Variants in QRICH2 observed in about 807,000 individuals in gnomAD.
QRICH2 encodes the protein glutamine rich 2.
In QRICH2, 119 loss-of-function variants were observed where a neutral mutation model predicts 168.3. The ratio of observed to expected loss-of-function variants is 0.71; its 90% CI spans 0.61 to 0.82. The LOEUF is 0.82. Ranked by LOEUF, QRICH2 falls within the 40% of genes least tolerant of loss-of-function variation. The probability of loss-of-function intolerance (pLI) is 0.00; values close to 1 mark genes in which losing one functional copy is unlikely to be tolerated. For missense variants in QRICH2, 2,241 were observed against 2,491.6 expected (o/e 0.90, Z 2.14); for synonymous variants, 894 against 951.2 (o/e 0.94, Z 1.11).
At chr17:76,303,132 C>T (rs1400807601) in intron 3 of QRICH2, among the ~76,000 whole-genome samples, 1 of 152,148 alleles carries the variant, frequency 6.6e-6, no homozygotes, top group Non-Finnish European at 1.5e-5. Context: ...GATCCGCCCC[C>T]CTCGACTTCT....
chr17:76,308,034 C>G lies in QRICH2; in HGVS notation c.-36G>C. 1 of 1,231,604 alleles carries G rather than the reference C, an allele frequency of 8.1e-7. No homozygotes were observed. The highest frequency in any genetic ancestry group is 1.0e-6 in the Non-Finnish European group (1 of 987,606). 76.3% of individuals were successfully genotyped at this position (1,231,604 alleles called of 1,614,324 possible). Reference sequence around the variant, plus strand: ...AGGAGCTGTGCGCCGCCGCGGGGCGCCGGCCAACCACTTCCCGCTCACTGC... The same window carrying G: ...AGGAGCTGTGCGCCGCCGCGGGGCGGCGGCCAACCACTTCCCGCTCACTGC... On this transcript the variant is annotated 5_prime_UTR_variant, in exon 1 of 19. Coordinates refer to ENST00000680821, the MANE Select transcript of QRICH2 (RefSeq NM_001388453.1).
At position 76,292,077 on chromosome 17, in the gene QRICH2, G is replaced by T. The variant is rs756526628; in HGVS notation, c.2650C>A (p.Pro884Thr). ...ATCAAACCACGCTGGTCCATTCCAG[G>T]TTGGACCAAACCACGCTGATCCACT... ...PGVDQRGLVQPGMDQRGLIQP... is the reference protein window; with the variant it reads ...PGVDQRGLVQTGMDQRGLIQP... Residue 884 changes from proline (P) to threonine (T), a missense_variant, in exon 4 of 19, where the codon CCT becomes ACT. Physicochemically the swap from Pro to Thr is conservative, Grantham distance 38. Coordinates refer to ENST00000680821, the MANE Select transcript of QRICH2 (RefSeq NM_001388453.1). 6.8e-6 allele frequency: 11 copies of T among 1,613,962 alleles called. No individual in the cohort carries two copies. Among genetic ancestry groups the T allele is most frequent in the Non-Finnish European group, 8.5e-6 (10 of 1,179,982 alleles).
In QRICH2 at chr17:76,292,894, G is replaced by A; in HGVS notation, c.1833C>T (p.Ala611=). Residue 611 remains alanine (A), a synonymous_variant, in exon 4 of 19, where the codon GCC becomes GCT. Transcript: ENST00000680821. ...VRPGMDQSGL[A]QPGADQRGLV... is the part of the protein sequence containing the mutation. ...AACCACGCTGATCTGCACCAGGTTG[G>A]GCCAAACCAGACTGATCCATTCCAG... 1 of 1,605,734 alleles carries A rather than the reference G, an allele frequency of 6.2e-7. No homozygotes were observed. Among genetic ancestry groups the A allele is most frequent in the Non-Finnish European group, 8.5e-7 (1 of 1,178,420 alleles).
chr17:76,283,952 G>A (rs1308378281), intron 7 of QRICH2, among the ~76,000 whole-genome samples: 1 of 140,428 alleles, frequency 7.1e-6, no homozygotes, highest in Non-Finnish European at 1.5e-5. Context: ...AATGACCTGA[G>A]GTCAGGAGTT....
Position 76,290,035 on chromosome 17 carries a change from G to T in QRICH2, c.3755C>A (p.Thr1252Asn). The change falls in exon 5 of 19, where the codon ACC (threonine) becomes AAC (asparagine). Residue 1252 changes from threonine to asparagine, a missense_variant. Physicochemically the swap from Thr to Asn is moderately conservative, Grantham distance 65. Around this residue, in one of 3 missense-constraint regions of QRICH2, gnomAD observed 2,047 missense variants for 2,303.8 expected, o/e 0.89. Coordinates refer to ENST00000680821, the MANE Select transcript of QRICH2 (RefSeq NM_001388453.1). ...AACTTCTTTGGCTAGCGTCTTTACGGTCTTCAGCTGCTCCTGCAGTTCAGG... is the reference window on the plus strand; with the variant it reads ...AACTTCTTTGGCTAGCGTCTTTACGTTCTTCAGCTGCTCCTGCAGTTCAGG... Reference protein sequence around the residue: ...IPPELQEQLKTVKTLAKEVWQ... With the variant: ...IPPELQEQLKNVKTLAKEVWQ... The T allele has an allele frequency of 6.2e-7, 1 of 1,612,404 alleles. No individual in the cohort carries two copies.
chr17:76,307,092 C>G lies in QRICH2; in HGVS notation c.534+373G>C, dbSNP rs2071001486. On this transcript the variant is annotated intron_variant, in intron 1 of 18. Transcript: ENST00000680821. This position sits in a 1 kb window ranked among gnomAD's most constrained non-coding sequence, Gnocchi z 5.3. ...GAGAAGTTGCCGGCCCCACTCTGAG[C>G]CAGCTCTGGGTCCTTGGATGTCTGA... is the stretch of plus-strand genomic sequence containing the variant. 6.6e-6 allele frequency among the ~76,000 whole-genome samples: 1 copy of G among 152,148 alleles called. No individual in the cohort carries two copies. Among genetic ancestry groups the G allele is most frequent in the Admixed American group, 6.5e-5 (1 of 15,268 alleles).
In QRICH2 at chr17:76,292,436, G is replaced by C. The variant is rs375649463; in HGVS notation, c.2291C>G (p.Pro764Arg). 1.3e-6 allele frequency: 2 copies of C among 1,594,250 alleles called. No individual in the cohort carries two copies. Among genetic ancestry groups the C allele is most frequent in the South Asian group, 2.2e-5 (2 of 89,826 alleles). Residue 764 changes from proline to arginine, a missense_variant, in exon 4 of 19, where the codon CCT becomes CGT. Pro to Arg is a moderately radical substitution (Grantham distance 103). Coordinates refer to ENST00000680821, the MANE Select transcript of QRICH2 (RefSeq NM_001388453.1). ...GACCAAACCATGCTGATCTGCACCA[G>C]GTTGGACCAAACCACGCTGATCTGC... ...PGADQRGLVQ[P>R]GADQHGLVQP... is the part of the protein sequence containing the mutation.
intron 3 of QRICH2, among the ~76,000 whole-genome samples, chr17:76,299,503 G>A (rs1303133916): frequency 6.6e-6 from 1 of 152,074 alleles, no homozygotes; most frequent in Non-Finnish European, 1.5e-5. Context: ...TTGGGAAGCC[G>A]AGGCGGGCGG....
chr17:76,287,272 C>T lies in QRICH2; in HGVS notation c.3931G>A (p.Glu1311Lys), dbSNP rs373924728. 2.8e-5 allele frequency: 45 copies of T among 1,614,094 alleles called. No individual in the cohort carries two copies. In the Middle Eastern group the frequency reaches 6.6e-4, roughly 24 times the overall value. The change falls in exon 7 of 19, where the codon GAG (glutamate) becomes AAG (lysine). Residue 1311 changes from glutamate (E) to lysine (K), a missense_variant. Around this residue, in one of 3 missense-constraint regions of QRICH2, gnomAD observed 2,047 missense variants for 2,303.8 expected, o/e 0.89. Coordinates refer to ENST00000680821, the MANE Select transcript of QRICH2 (RefSeq NM_001388453.1). ...TVADIEKELA[E>K]LRESQDRGKA... ...CCCCTGTCTTGGCTCTCCCTCAACT[C>T]GGCCAGCTCCTTTTCTATGTCAGCC...
chr17:76,277,200 C>T lies in QRICH2; in HGVS notation c.5228G>A (p.Gly1743Asp), dbSNP rs1270841069. Residue 1743 changes from glycine (G) to aspartate (D), a missense_variant, in exon 16 of 19, where the codon GGC becomes GAC. Gly to Asp is a moderately conservative substitution (Grantham distance 94). This residue lies in a region of QRICH2 where 2,047 missense variants were observed against 2,303.8 expected (regional missense o/e 0.89). Coordinates refer to ENST00000680821, the MANE Select transcript of QRICH2 (RefSeq NM_001388453.1). ...CTGGATCTCTTCAGTAGGATACAGG[C>T]CCCGGGGAAGGTGCTGCGGGCGGCT... ...HRSRPQHLPR[G>D]LYPTEEIQIA... The T allele has an allele frequency of 1.9e-6, 3 of 1,602,836 alleles. No individual in the cohort carries two copies. The highest frequency in any genetic ancestry group is 1.7e-6 in the Non-Finnish European group (2 of 1,176,888).
chr17:76,291,552 G>A lies in QRICH2; in HGVS notation c.3175C>T (p.His1059Tyr), dbSNP rs371616618. 6.2e-7 allele frequency: 1 copy of A among 1,614,120 alleles called. No individual in the cohort carries two copies. Among genetic ancestry groups the A allele is most frequent in the Non-Finnish European group, 8.5e-7 (1 of 1,180,024 alleles). ...QGLMHPGTDQHSPIPLSTGLG... is the reference protein window; with the variant it reads ...QGLMHPGTDQYSPIPLSTGLG... ...CCTGTACTCAGTGGTATTGGGCTGT[G>A]CTGGTCTGTGCCAGGATGCATCAAA... Residue 1059 changes from histidine (H) to tyrosine (Y), a missense_variant, in exon 4 of 19, where the codon CAC becomes TAC. His to Tyr is a moderately conservative substitution (Grantham distance 83). Coordinates refer to ENST00000680821, the MANE Select transcript of QRICH2 (RefSeq NM_001388453.1).
intron 1 of QRICH2, among the ~76,000 whole-genome samples, chr17:76,306,338 C>T (rs1281963327): frequency 6.6e-6 from 1 of 152,228 alleles, no homozygotes; most frequent in South Asian, 2.1e-4. Context: ...GCGGCCAGGG[C>T]TCCCCTGCTG....
intron 3 of QRICH2, among the ~76,000 whole-genome samples, chr17:76,303,159 C>T (rs1005824923): frequency 2.0e-5 from 3 of 152,072 alleles, no homozygotes; most frequent in African/African-American, 4.8e-5. Context: ...GCTGGGATTA[C>T]AGGCTGGAGC....
chr17:76,283,086 A>C (rs1192619418), intron 7 of QRICH2, among the ~76,000 whole-genome samples: 5 of 152,140 alleles, frequency 3.3e-5, no homozygotes, highest in African/African-American at 4.8e-5. Flanking sequence ...ACAGCTGCAC[A>C]TCCCCAGGGC....
At chr17:76,310,084 C>G (rs2071053829), upstream of QRICH2, 1 of 151,032 alleles carries the variant, frequency 6.6e-6, no homozygotes, top group East Asian at 2.0e-4. Context: ...CTCTTGGGTT[C>G]AACCAATTAA....
At position 76,280,975 on chromosome 17, in the gene QRICH2, GGCTCTCGGAGGCTGCTGGC is replaced by G; in HGVS notation, c.4264-41_4264-23del. 1 of 1,602,500 alleles carries G rather than the reference GGCTCTCGGAGGCTGCTGGC, an allele frequency of 6.2e-7. No individual in the cohort carries two copies. Among genetic ancestry groups the G allele is most frequent in the Non-Finnish European group, 8.5e-7 (1 of 1,179,142 alleles). ...CGTCCTGCGGCAGGAGGGATGGGAAGGCTCTCGGAGGCTGCTGGCGCGATCCCACCCCCTGCTGCCATAA... is the reference window on the plus strand; with the variant it reads ...CGTCCTGCGGCAGGAGGGATGGGAAGGCGATCCCACCCCCTGCTGCCATAA... On this transcript the variant is annotated intron_variant, in intron 8 of 18. Coordinates refer to ENST00000680821, the MANE Select transcript of QRICH2 (RefSeq NM_001388453.1). The surrounding 1 kb of genome is among the most constrained non-coding windows in gnomAD (Gnocchi z 7.4).
rs766207772 is a variant in QRICH2 at position 76,277,221 on chromosome 17, C to A, written c.5207G>T (p.Arg1736Leu). The A allele has an allele frequency of 3.1e-6, 5 of 1,601,878 alleles. No individual in the cohort carries two copies. Among genetic ancestry groups the A allele is most frequent in the Non-Finnish European group, 3.4e-6 (4 of 1,176,564 alleles). Residue 1736 changes from arginine to leucine, a missense_variant, in exon 16 of 19, where the codon CGC (arginine) becomes CTC (leucine). Physicochemically the swap from Arg to Leu is moderately radical, Grantham distance 102. Around this residue, in one of 3 missense-constraint regions of QRICH2, gnomAD observed 2,047 missense variants for 2,303.8 expected, o/e 0.89. Coordinates refer to ENST00000680821, the MANE Select transcript of QRICH2 (RefSeq NM_001388453.1). ...HTLTYPYHRSRPQHLPRGLYP... is the reference protein window; with the variant it reads ...HTLTYPYHRSLPQHLPRGLYP... The stretch of plus-strand genomic sequence containing the variant: ...CAGGCCCCGGGGAAGGTGCTGCGGG[C>A]GGCTGCGGTGGTAGGGGTAGGTGAG...
At chr17:76,289,592 G>T (rs1419168461) in intron 5 of QRICH2, among the ~76,000 whole-genome samples, 1 of 152,040 alleles carries the variant, frequency 6.6e-6, no homozygotes, top group African/African-American at 2.4e-5. Flanking sequence ...GTAAAAGAAA[G>T]AGCTATTTAA....
In QRICH2 at chr17:76,277,221, C is replaced by T. The variant is rs766207772; in HGVS notation, c.5207G>A (p.Arg1736His). Reference sequence around the variant, plus strand: ...CAGGCCCCGGGGAAGGTGCTGCGGGCGGCTGCGGTGGTAGGGGTAGGTGAG... The same window carrying T: ...CAGGCCCCGGGGAAGGTGCTGCGGGTGGCTGCGGTGGTAGGGGTAGGTGAG... ...HTLTYPYHRS[R>H]PQHLPRGLYP... Residue 1736 changes from arginine to histidine, a missense_variant, in exon 16 of 19, where the codon CGC (arginine) becomes CAC (histidine). Coordinates refer to ENST00000680821, the MANE Select transcript of QRICH2 (RefSeq NM_001388453.1). The T allele has an allele frequency of 7.5e-6, 12 of 1,601,756 alleles. No individual in the cohort carries two copies. The East Asian group carries it at 9.1e-5, about 12-fold the overall frequency.
Sources: gnomAD v4.1 joint callset for allele counts (sites outside exome capture counted in the v4.1 genomes callset) on GRCh38, gnomAD v4.1.1 for gene constraint, gnomAD v4.1.1 regional missense constraint, Gnocchi (gnomAD v3.1) non-coding constraint, MANE v1.5 for transcripts, NCBI Gene and HGNC (gene_info 2026-07-23, HGNC 2026-07-21) for gene names.